Variants in IL1RAPL2 observed in about 807,000 individuals in gnomAD.
IL1RAPL2 encodes X-linked interleukin-1 receptor accessory protein-like 2.
In IL1RAPL2, 3 loss-of-function variants were observed where a neutral mutation model predicts 44.1. The ratio of observed to expected loss-of-function variants is 0.07; its 90% CI spans 0.03 to 0.18. The LOEUF (loss-of-function observed/expected upper bound fraction) is 0.18, where lower values mean the gene tolerates loss of function less well. Ranked by LOEUF, IL1RAPL2 falls within the 10% of genes least tolerant of loss-of-function variation. IL1RAPL2 has a pLI of 1.00. For missense variants in IL1RAPL2, 391 were observed against 496.4 expected, an observed-to-expected ratio of 0.79 and a Z score of 2.02; for synonymous variants, 181 against 178.8, an observed-to-expected ratio of 1.01 and a Z score of -0.10.
At chrX:105,364,760 A>G (rs959278651) in intron 5 of IL1RAPL2, among the ~76,000 whole-genome samples, 2 of 111,638 alleles carry the variant, frequency 1.8e-5, no homozygotes, top group African/African-American at 6.5e-5. Flanking sequence ...GGTTATATGC[A>G]ACTTTACTGA....
At chrX:105,508,640 C>T (rs1389432376) in intron 6 of IL1RAPL2, among the ~76,000 whole-genome samples, 6 of 106,852 alleles carry the variant, frequency 5.6e-5, no homozygotes, top group Non-Finnish European at 1.2e-4. Flanking sequence ...CCTTCAGAAG[C>T]TGGCAGAAAA....
intron 2 of IL1RAPL2, among the ~76,000 whole-genome samples, chrX:105,153,796 G>C (rs572902932): frequency 5.4e-5 from 6 of 111,356 alleles, no homozygotes; most frequent in Non-Finnish European, 9.4e-5. Context: ...AAGTCAGCTC[G>C]AGTGAAGATA....
At chrX:105,022,600 T>C (rs1438275432) in intron 2 of IL1RAPL2, among the ~76,000 whole-genome samples, 1 of 111,189 alleles carries the variant, frequency 9.0e-6, no homozygotes, top group Non-Finnish European at 1.9e-5. Flanking sequence ...TCATGGGTGC[T>C]AACCACACAG....
chrX:105,098,670 A>C (rs909720479), intron 2 of IL1RAPL2, among the ~76,000 whole-genome samples: 3 of 112,040 alleles, frequency 2.7e-5, no homozygotes, highest in African/African-American at 9.7e-5. Flanking sequence ...AAGAAAATCA[A>C]TACGCAATCT....
chrX:105,163,456 T>G (rs1054324106), intron 2 of IL1RAPL2, among the ~76,000 whole-genome samples: 1 of 112,089 alleles, frequency 8.9e-6, no homozygotes, highest in Non-Finnish European at 1.9e-5. Context: ...TTCCCCATAA[T>G]CAATAAGAAT....
At chrX:104,980,027 C>T (rs889080314) in intron 2 of IL1RAPL2, among the ~76,000 whole-genome samples, 3 of 112,075 alleles carry the variant, frequency 2.7e-5, no homozygotes, top group Non-Finnish European at 3.8e-5. Context: ...TTCAAGGGTA[C>T]TCATTGCCAC....
chrX:104,601,301 C>T (rs907536043), intron 1 of IL1RAPL2, among the ~76,000 whole-genome samples: 5 of 109,459 alleles, frequency 4.6e-5, no homozygotes, highest in East Asian at 2.9e-4. Flanking sequence ...AACAGGCCCC[C>T]GTGTGTGATG....
intron 4 of IL1RAPL2, among the ~76,000 whole-genome samples, chrX:105,252,095 G>T (rs148642442): frequency 2.7e-5 from 3 of 110,664 alleles, no homozygotes; most frequent in Non-Finnish European, 3.8e-5. Flanking sequence ...CAATCCTCTC[G>T]TCCCAGCCTT....
intron 2 of IL1RAPL2, among the ~76,000 whole-genome samples, chrX:104,729,571 C>T (rs1485435141): frequency 7.7e-5 from 8 of 103,943 alleles, no homozygotes; most frequent in Non-Finnish European, 9.7e-5. Context: ...AAAGTCATGT[C>T]ATGAGGGCAT....
intron 3 of IL1RAPL2, among the ~76,000 whole-genome samples, chrX:105,205,587 TAAAAAAAAAAAA>T (rs375473348): frequency 0.026 from 212 of 8,182 alleles, 3 homozygotes; most frequent in African/African-American, 0.036. Flanking sequence ...AAGACTCTGT[TAAAAAAAAAAAA>T]AAAAAAAAAA....
chrX:105,579,385 A>G (rs1380010369), intron 6 of IL1RAPL2, among the ~76,000 whole-genome samples: 1 of 112,091 alleles, frequency 8.9e-6, no homozygotes, highest in Non-Finnish European at 1.9e-5. Context: ...TATGCAATAT[A>G]TAAACATATG....
intron 2 of IL1RAPL2, among the ~76,000 whole-genome samples, chrX:105,012,552 G>C (rs2031066319): frequency 9.5e-6 from 1 of 105,563 alleles, no homozygotes; most frequent in African/African-American, 3.5e-5. Context: ...CTGGGTGCTA[G>C]TTTGTAGAAC....
At chrX:105,509,862 T>C (rs2036456852) in intron 6 of IL1RAPL2, among the ~76,000 whole-genome samples, 1 of 111,495 alleles carries the variant, frequency 9.0e-6, no homozygotes. Context: ...GACATTTATA[T>C]TGAATGTTGG....
At chrX:105,589,435 C>T (rs761301383) in intron 6 of IL1RAPL2, among the ~76,000 whole-genome samples, 10 of 110,924 alleles carry the variant, frequency 9.0e-5, no homozygotes, top group East Asian at 2.8e-4. Flanking sequence ...TTGCTTTTGT[C>T]ATGAAATTGT....
intron 2 of IL1RAPL2, among the ~76,000 whole-genome samples, chrX:105,099,621 C>T (rs977569832): frequency 5.6e-5 from 6 of 106,270 alleles, no homozygotes; most frequent in Middle Eastern, 9.4e-3. Context: ...CCCGCCACTA[C>T]GCCTGGCTAT....
At chrX:105,297,969 A>T (rs903112406) in intron 5 of IL1RAPL2, among the ~76,000 whole-genome samples, 6 of 110,499 alleles carry the variant, frequency 5.4e-5, no homozygotes, top group Admixed American at 9.7e-5. Context: ...TCTTTTTAAA[A>T]TTTTTTAAAA....
intron 2 of IL1RAPL2, among the ~76,000 whole-genome samples, chrX:104,800,212 A>G (rs1362229037): frequency 9.0e-6 from 1 of 111,676 alleles, no homozygotes; most frequent in Non-Finnish European, 1.9e-5. Flanking sequence ...TTGAATCTCA[A>G]CTTTGCCTAA....
chrX:105,222,374 T>C (rs1386014455), intron 3 of IL1RAPL2, among the ~76,000 whole-genome samples: 2 of 112,445 alleles, frequency 1.8e-5, no homozygotes, highest in Non-Finnish European at 3.8e-5. Context: ...AAATATTACC[T>C]AAGAAGGTAG....
At chrX:105,340,460 G>T (rs2035062035) in intron 5 of IL1RAPL2, among the ~76,000 whole-genome samples, 1 of 111,948 alleles carries the variant, frequency 8.9e-6, no homozygotes, top group Non-Finnish European at 1.9e-5. Context: ...AAAAGCTTAG[G>T]CTCCTTTAGT....
Sources: allele counts gnomAD v4.1 joint callset (sites outside exome capture counted in the v4.1 genomes callset), GRCh38; gene constraint gnomAD v4.1.1; transcripts MANE v1.5; gene names NCBI Gene and HGNC (gene_info 2026-07-23, HGNC 2026-07-21).